The following RBFOX1 variants were observed in gnomAD, a reference collection of about 807,000 sequenced individuals.
RBFOX1 encodes the protein RNA binding protein fox-1 homolog 1.
Under a neutral mutation model 57.7 loss-of-function variants are expected in RBFOX1, and 8 were observed. The ratio of observed to expected loss-of-function variants is 0.14; its 90% CI spans 0.08 to 0.25. RBFOX1 has a LOEUF of 0.25. Ranked by LOEUF, RBFOX1 falls within the 10% of genes least tolerant of loss-of-function variation. RBFOX1 has a pLI of 1.00. For synonymous variants in RBFOX1, 326 were observed against 222.4 expected (o/e 1.47, Z -4.15); for missense variants, 611 against 548.5 (o/e 1.11, Z -1.14).
Position 7,307,453 on chromosome 16 carries a change from C to G in RBFOX1, c.28-210694C>G, listed in dbSNP as rs151254953. Among the ~76,000 whole-genome samples the G allele has an allele frequency of 2.0e-3, 311 of 152,260 alleles. 1 individual carries two copies. The highest frequency in any genetic ancestry group is 7.1e-3 in the African/African-American group (293 of 41,534). On this transcript the variant is annotated intron_variant, in intron 4 of 15. Transcript: ENST00000550418. ...AAGTGGCAACATATCACTTTTGCCA[C>G]GAATAATTTATTTACTTAGGCCAAT...
intron 4 of RBFOX1, among the ~76,000 whole-genome samples, chr16:5,920,109 A>AT (rs1005702262): frequency 6.6e-6 from 1 of 151,796 alleles, no homozygotes; most frequent in African/African-American, 2.4e-5. Flanking sequence ...AATTTTTTGC[A>AT]TTTTTTGGTA....
At chr16:6,829,398 T>C (rs72766777) in intron 3 of RBFOX1, among the ~76,000 whole-genome samples, 82 of 151,242 alleles carry the variant, frequency 5.4e-4, no homozygotes, top group African/African-American at 1.8e-3. Flanking sequence ...CACATAGATA[T>C]ATAGAACGAT....
chr16:7,506,054 G>A (rs910580132), intron 4 of RBFOX1, among the ~76,000 whole-genome samples: 14 of 151,750 alleles, frequency 9.2e-5, no homozygotes, highest in Admixed American at 2.6e-4. Flanking sequence ...GCATGGTGAC[G>A]GGTACCTGTA....
At chr16:7,286,982 C>G (rs2095663096) in intron 4 of RBFOX1, among the ~76,000 whole-genome samples, 1 of 152,120 alleles carries the variant, frequency 6.6e-6, no homozygotes, top group African/African-American at 2.4e-5. Flanking sequence ...GGTGAAGCTA[C>G]ATAACCACTT....
At chr16:5,344,014 T>A (rs1421446768) in intron 1 of RBFOX1, among the ~76,000 whole-genome samples, 1 of 152,242 alleles carries the variant, frequency 6.6e-6, no homozygotes, top group Non-Finnish European at 1.5e-5. Flanking sequence ...GTGTTCTGCT[T>A]ATGCCTCTTA....
At chr16:7,539,790 T>C (rs781638525) in intron 5 of RBFOX1, among the ~76,000 whole-genome samples, 7 of 152,124 alleles carry the variant, frequency 4.6e-5, no homozygotes, top group Non-Finnish European at 8.8e-5. Context: ...GCTTGGGAGA[T>C]GAAAGACGAG....
chr16:6,981,072 C>T (rs1392360801), intron 3 of RBFOX1, among the ~76,000 whole-genome samples: 4 of 118,320 alleles, frequency 3.4e-5, no homozygotes, highest in Non-Finnish European at 6.6e-5. Flanking sequence ...CTAAAAAATT[C>T]AGGAGTGGTG....
chr16:7,105,449 C>G (rs183163572), intron 4 of RBFOX1, among the ~76,000 whole-genome samples: 1 of 152,018 alleles, frequency 6.6e-6, no homozygotes, highest in African/African-American at 2.4e-5. Flanking sequence ...TACACTGCAC[C>G]CAATTTGTAG....
chr16:7,400,382 G>A (rs1326841930), intron 4 of RBFOX1, among the ~76,000 whole-genome samples: 2 of 152,130 alleles, frequency 1.3e-5, no homozygotes, highest in Admixed American at 1.3e-4. Context: ...CCTCAGCACA[G>A]GGGCTAGCAG....
intron 2 of RBFOX1, among the ~76,000 whole-genome samples, chr16:6,341,294 G>T (rs576993164): frequency 6.6e-6 from 1 of 152,022 alleles, no homozygotes; most frequent in Non-Finnish European, 1.5e-5. Context: ...TTTCAAAGCC[G>T]ACAATGGCAG....
chr16:7,012,468 A>G (rs929784109), intron 3 of RBFOX1, among the ~76,000 whole-genome samples: 1 of 152,206 alleles, frequency 6.6e-6, no homozygotes. Flanking sequence ...GGAAAGTCGC[A>G]TCTGTCTCAT....
chr16:6,796,767 A>C (rs2084155800), intron 3 of RBFOX1, among the ~76,000 whole-genome samples: 1 of 152,154 alleles, frequency 6.6e-6, no homozygotes, highest in African/African-American at 2.4e-5. Flanking sequence ...ATGGGCCTAC[A>C]TCTGCCTTCC....
At chr16:6,785,326 C>T (rs1045873976) in intron 3 of RBFOX1, among the ~76,000 whole-genome samples, 9 of 152,164 alleles carry the variant, frequency 5.9e-5, no homozygotes, top group Admixed American at 5.2e-4. Flanking sequence ...ATCCAGACAT[C>T]TCTGTGGTTC....
intron 3 of RBFOX1, among the ~76,000 whole-genome samples, chr16:5,770,296 G>C (rs1331950371): frequency 6.6e-6 from 1 of 152,174 alleles, no homozygotes. Flanking sequence ...GGTGATGAAA[G>C]TGATCTCTAG....
intron 1 of RBFOX1, among the ~76,000 whole-genome samples, chr16:5,448,084 A>G (rs996068150): frequency 1.3e-5 from 2 of 152,182 alleles, no homozygotes; most frequent in Non-Finnish European, 2.9e-5. Context: ...TTCTTAGACA[A>G]TTGGCTGGAT....
intron 2 of RBFOX1, among the ~76,000 whole-genome samples, chr16:6,414,187 T>C (rs1167286079): frequency 1.3e-5 from 2 of 152,180 alleles, no homozygotes; most frequent in African/African-American, 2.4e-5. Context: ...ATGATCTGAT[T>C]TCCATTTTGT....
At chr16:6,376,254 C>T (rs1254285011) in intron 2 of RBFOX1, among the ~76,000 whole-genome samples, 2 of 151,994 alleles carry the variant, frequency 1.3e-5, no homozygotes, top group African/African-American at 4.8e-5. Context: ...TATAGCCTGG[C>T]ACTTAGTGAG....
intron 4 of RBFOX1, among the ~76,000 whole-genome samples, chr16:5,876,286 A>G (rs1271945906): frequency 7.8e-6 from 1 of 127,958 alleles, no homozygotes; most frequent in Non-Finnish European, 1.7e-5. Flanking sequence ...ATCTTATTTA[A>G]TTTCATCCTC....
chr16:5,878,677 C>T (rs985580803), intron 4 of RBFOX1, among the ~76,000 whole-genome samples: 17 of 151,492 alleles, frequency 1.1e-4, no homozygotes, highest in African/African-American at 3.2e-4. Flanking sequence ...CTTACCTCAC[C>T]GGAATGACAA....
Sources: gnomAD v4.1 joint callset for allele counts (sites outside exome capture counted in the v4.1 genomes callset) on GRCh38, gnomAD v4.1.1 for gene constraint, MANE v1.5 for transcripts, NCBI Gene and HGNC (gene_info 2026-07-23, HGNC 2026-07-21) for gene names.